KPNA1: variants seen among roughly 807,000 people sequenced by gnomAD.
The protein encoded by KPNA1 is importin subunit alpha-5.
KPNA1 carries 10 observed loss-of-function variants against 70.5 expected under a neutral mutation model. The ratio of observed to expected loss-of-function variants is 0.14; its 90% CI spans 0.09 to 0.24. The LOEUF (loss-of-function observed/expected upper bound fraction) is 0.24, where lower values mean the gene tolerates loss of function less well. Among genes scored for constraint, KPNA1 ranks in the 10% least tolerant of loss-of-function variants. The pLI is 1.00. For missense variants in KPNA1, 397 were observed against 637.9 expected (o/e 0.62, Z 4.07); for synonymous variants, 192 against 221.9 (o/e 0.87, Z 1.20).
At position 122,512,957 on chromosome 3, in the gene KPNA1, T is replaced by C. The variant is rs553927392; in HGVS notation, c.-6+1800A>G. ...TGACAAAATGTTATGCAGTCAATAT[T>C]TGTAATATTAGCTTTCCCTGCTACA... On this transcript the variant is annotated intron_variant, in intron 1 of 13. Transcript: ENST00000344337. Among the ~76,000 whole-genome samples, 5 of 152,324 alleles carry C rather than the reference T, an allele frequency of 3.3e-5. No homozygotes were observed. In the South Asian group the frequency reaches 6.2e-4, roughly 19 times the overall value.
At chr3:122,427,976 CTTACTTA>C (rs2075845108) in intron 12 of KPNA1, among the ~76,000 whole-genome samples, 1 of 152,156 alleles carries the variant, frequency 6.6e-6, no homozygotes. Flanking sequence ...AACAGGAATA[CTTACTTA>C]TTAATACCTT....
intron 5 of KPNA1, chr3:122,457,737 T>C (rs2076279526): frequency 2.3e-6 from 3 of 1,288,666 alleles, no homozygotes; most frequent in Admixed American, 2.3e-5. Context: ...TCCTATCAAG[T>C]TTCCCACTCC....
At chr3:122,501,734 C>T (rs1411701777) in intron 1 of KPNA1, among the ~76,000 whole-genome samples, 1 of 152,134 alleles carries the variant, frequency 6.6e-6, no homozygotes, top group Non-Finnish European at 1.5e-5. Flanking sequence ...CTATACATGT[C>T]AGTTAGGTCT....
At chr3:122,493,491 A>T (rs1385960447) in intron 2 of KPNA1, among the ~76,000 whole-genome samples, 1 of 152,200 alleles carries the variant, frequency 6.6e-6, no homozygotes, top group Non-Finnish European at 1.5e-5. Flanking sequence ...TTGAGAAGCA[A>T]GCCCACAAAC....
intron 11 of KPNA1, among the ~76,000 whole-genome samples, chr3:122,436,545 G>C (rs140292471): frequency 6.6e-6 from 1 of 152,108 alleles, no homozygotes. Context: ...CAGACCGGCC[G>C]ACACTTAGGG....
intron 2 of KPNA1, among the ~76,000 whole-genome samples, chr3:122,478,621 C>T (rs2076532896): frequency 6.6e-6 from 1 of 151,678 alleles, no homozygotes; most frequent in African/African-American, 2.4e-5. Flanking sequence ...ACTCAGGAGG[C>T]TGAGGCAGGA....
intron 2 of KPNA1, among the ~76,000 whole-genome samples, chr3:122,475,087 T>C (rs1035832539): frequency 3.3e-5 from 5 of 152,174 alleles, no homozygotes; most frequent in Admixed American, 3.3e-4. Context: ...GCTGAAGACA[T>C]ATCTTACATG....
chr3:122,477,905 T>C (rs1049672875), intron 2 of KPNA1, among the ~76,000 whole-genome samples: 2 of 149,950 alleles, frequency 1.3e-5, no homozygotes, highest in African/African-American at 4.9e-5. Context: ...GGCTCATGCC[T>C]GAAATCCCAG....
intron 2 of KPNA1, among the ~76,000 whole-genome samples, chr3:122,488,987 C>T (rs115622061): frequency 0.011 from 1,629 of 151,004 alleles, 26 homozygotes; most frequent in African/African-American, 0.038. Flanking sequence ...TTTTCCTTTA[C>T]GGACTCCAAT....
At chr3:122,454,098 A>AG (rs1289636961) in intron 5 of KPNA1, 97 bp from the exon 6 acceptor site, 1 of 831,192 alleles carries the variant, frequency 1.2e-6, no homozygotes, top group East Asian at 2.8e-5. Flanking sequence ...AAAGATTCTG[A>AG]GATCATTATT....
chr3:122,497,319 T>C (rs2076775745), intron 1 of KPNA1, among the ~76,000 whole-genome samples: 1 of 152,222 alleles, frequency 6.6e-6, no homozygotes, highest in Admixed American at 6.5e-5. Context: ...CCAATTCTAT[T>C]TATCCATTCG....
At chr3:122,439,167 G>A (rs963082763) in intron 10 of KPNA1, among the ~76,000 whole-genome samples, 1 of 152,108 alleles carries the variant, frequency 6.6e-6, no homozygotes, top group Non-Finnish European at 1.5e-5. Flanking sequence ...ACAAAGTACT[G>A]TAAGAACAGA....
At chr3:122,504,517 G>C (rs2076867326) in intron 1 of KPNA1, among the ~76,000 whole-genome samples, 1 of 152,216 alleles carries the variant, frequency 6.6e-6, no homozygotes, top group Non-Finnish European at 1.5e-5. Flanking sequence ...AGCCATTCTG[G>C]AGCTTGTGCA....
At position 122,442,154 on chromosome 3, in the gene KPNA1, T is replaced by C. The variant is rs374734786; in HGVS notation, c.918-38A>G. ...AAAGTAATGTTATAGCAAACAGTTC[T>C]ATCCTTAGTTTCATTTCCTTCCAAG... is the stretch of plus-strand genomic sequence containing the variant. On this transcript the variant is annotated intron_variant, in intron 9 of 13. Coordinates refer to ENST00000344337, the MANE Select transcript of KPNA1 (RefSeq NM_002264.4). 35 of 1,473,720 alleles carry C rather than the reference T, an allele frequency of 2.4e-5. No homozygotes were observed. The African/African-American group carries it at 3.8e-4, about 16-fold the overall frequency. 91.3% of individuals were successfully genotyped at this position (1,473,720 alleles called of 1,614,324 possible). A position where few individuals can be genotyped will look rare whatever the true frequency, so the allele number is the denominator to read the frequency against.
At chr3:122,442,002 T>A in intron 10 of KPNA1, 36 bp downstream of exon 10, 1 of 1,419,500 alleles carries the variant, frequency 7.0e-7, no homozygotes, top group African/African-American at 1.4e-5. Flanking sequence ...ATATACTGTT[T>A]TTAAAGGACA....
intron 9 of KPNA1, among the ~76,000 whole-genome samples, chr3:122,448,184 A>T (rs991009700): frequency 6.6e-6 from 1 of 152,220 alleles, no homozygotes; most frequent in African/African-American, 2.4e-5. Context: ...TGTGGAAGAC[A>T]GTGTGGCGAT....
At chr3:122,514,448 TC>T in intron 1 of KPNA1, 1 of 143,960 alleles carries the variant, frequency 6.9e-6, no homozygotes, top group Non-Finnish European at 1.5e-5. Context: ...CGCCCCGCAG[TC>T]CCCGGCGCCG....
chr3:122,422,289 G>A lies in KPNA1; in HGVS notation c.*4696C>T, dbSNP rs1444080040. 1 of 142,232 alleles carries A rather than the reference G, an allele frequency of 7.0e-6. No individual in the cohort carries two copies. Among genetic ancestry groups the A allele is most frequent in the African/African-American group, 2.6e-5 (1 of 38,078 alleles). 8.8% of individuals were successfully genotyped at this position (142,232 alleles called of 1,614,324 possible). A position where few individuals can be genotyped will look rare whatever the true frequency, so the allele number is the denominator to read the frequency against. ...GTGTCAATACTTTCCACATTTGTGC[G>A]TTTGAATGGATCCATGTGTTTAGCC... On this transcript the variant is annotated 3_prime_UTR_variant, in exon 14 of 14. Transcript: ENST00000344337.
chr3:122,495,262 C>CAAAA (rs748751423), intron 2 of KPNA1, among the ~76,000 whole-genome samples: 1 of 86,494 alleles, frequency 1.2e-5, no homozygotes, highest in Non-Finnish European at 2.4e-5. Flanking sequence ...TCAAACAAAC[C>CAAAA]AAAAAAAAAA....
Sources: allele counts gnomAD v4.1 joint callset (sites outside exome capture counted in the v4.1 genomes callset), GRCh38; gene constraint gnomAD v4.1.1; transcripts MANE v1.5; gene names NCBI Gene and HGNC (gene_info 2026-07-23, HGNC 2026-07-21).